Variants in SLC16A12 observed in about 807,000 individuals in gnomAD.
SLC16A12 encodes the protein monocarboxylate transporter 12.
Under a neutral mutation model 42.4 loss-of-function variants are expected in SLC16A12, and 17 were observed. The observed-to-expected ratio is 0.40, with a 90% CI of 0.27 to 0.60. The LOEUF is 0.60. Ranked by LOEUF, SLC16A12 falls within the 20% of genes least tolerant of loss-of-function variation. The probability of loss-of-function intolerance (pLI) is 0.42; values close to 1 mark genes in which losing one functional copy is unlikely to be tolerated. For missense variants in SLC16A12, 544 were observed against 623.0 expected (o/e 0.87, Z 1.35); for synonymous variants, 224 against 229.4 (o/e 0.98, Z 0.21).
chr10:89,457,272 AACTT>A (rs1842210167), intron 3 of SLC16A12, among the ~76,000 whole-genome samples: 1 of 152,202 alleles, frequency 6.6e-6, no homozygotes, highest in Non-Finnish European at 1.5e-5. Flanking sequence ...AACTTAAACA[AACTT>A]ACAAGAAAAA....
intron 2 of SLC16A12, among the ~76,000 whole-genome samples, chr10:89,524,207 C>T (rs1843410628): frequency 6.6e-6 from 1 of 152,208 alleles, no homozygotes; most frequent in South Asian, 2.1e-4. Flanking sequence ...ACCATTTTAA[C>T]AGACCCTCTG....
At chr10:89,529,755 C>T (rs1188913861) in intron 2 of SLC16A12, among the ~76,000 whole-genome samples, 1 of 152,030 alleles carries the variant, frequency 6.6e-6, no homozygotes, top group African/African-American at 2.4e-5. Flanking sequence ...GCCATGTTGG[C>T]CACGCTAGTC....
At chr10:89,479,619 A>T (rs778670210) in intron 2 of SLC16A12, among the ~76,000 whole-genome samples, 2 of 152,178 alleles carry the variant, frequency 1.3e-5, no homozygotes, top group Non-Finnish European at 2.9e-5. Flanking sequence ...AATGTTTTGT[A>T]TTGGTCCTTT....
chr10:89,471,934 T>C (rs192219783), intron 2 of SLC16A12, among the ~76,000 whole-genome samples: 2 of 152,302 alleles, frequency 1.3e-5, no homozygotes, highest in Non-Finnish European at 2.9e-5. Context: ...TTTTGTGAGG[T>C]GTCTATTCAA....
chr10:89,505,437 C>CA lies in SLC16A12; in HGVS notation c.-47+29063dup, dbSNP rs578133721. On this transcript the variant is annotated intron_variant, in intron 2 of 7. Transcript: ENST00000371790. ...GACTCCATCTCAAAAAACAAAAAAA[C>CA]AAAAAAAAACAAGAATTCCAGCAAG... Among the ~76,000 whole-genome samples, 894 of 149,958 alleles carry CA rather than the reference C, an allele frequency of 6.0e-3. 2 individuals carry two copies. The highest frequency in any genetic ancestry group is 0.01 in the Non-Finnish European group (680 of 67,296).
At chr10:89,550,513 C>T (rs993106853) in intron 2 of SLC16A12, among the ~76,000 whole-genome samples, 11 of 152,254 alleles carry the variant, frequency 7.2e-5, no homozygotes, top group Admixed American at 6.5e-5. Flanking sequence ...AGCAAGACTC[C>T]GTCTCAAAAC....
intron 2 of SLC16A12, among the ~76,000 whole-genome samples, chr10:89,530,689 G>A (rs185747157): frequency 2.6e-5 from 4 of 152,276 alleles, no homozygotes; most frequent in Non-Finnish European, 5.9e-5. Flanking sequence ...AAAGTGCTGG[G>A]ATTACAGGTG....
At chr10:89,451,712 T>A (rs1842099130) in intron 3 of SLC16A12, among the ~76,000 whole-genome samples, 2 of 152,178 alleles carry the variant, frequency 1.3e-5, no homozygotes. Context: ...TATGTTTGAA[T>A]TTCTGTTTCA....
chr10:89,475,172 C>A (rs768194579), intron 2 of SLC16A12, among the ~76,000 whole-genome samples: 13 of 152,192 alleles, frequency 8.5e-5, no homozygotes, highest in Non-Finnish European at 1.2e-4. Flanking sequence ...AACATCCTGG[C>A]CTATGGCTAG....
At chr10:89,481,471 T>C (rs909931151) in intron 2 of SLC16A12, among the ~76,000 whole-genome samples, 1 of 152,206 alleles carries the variant, frequency 6.6e-6, no homozygotes, top group Non-Finnish European at 1.5e-5. Context: ...ATCATTCCAC[T>C]AATACCTGAG....
chr10:89,550,506 A>C (rs1411177294), intron 2 of SLC16A12, among the ~76,000 whole-genome samples: 1 of 152,186 alleles, frequency 6.6e-6, no homozygotes. Flanking sequence ...GCTATACAGC[A>C]AGACTCCGTC....
At chr10:89,510,319 A>G (rs778575679) in intron 2 of SLC16A12, among the ~76,000 whole-genome samples, 1 of 152,188 alleles carries the variant, frequency 6.6e-6, no homozygotes, top group Non-Finnish European at 1.5e-5. Flanking sequence ...GCATCCTGCT[A>G]CCTGACTTCA....
At chr10:89,485,355 C>T (rs1272756626) in intron 2 of SLC16A12, among the ~76,000 whole-genome samples, 2 of 152,204 alleles carry the variant, frequency 1.3e-5, no homozygotes, top group African/African-American at 2.4e-5. Context: ...AACTATGTGG[C>T]TTCAACAAAA....
intron 2 of SLC16A12, among the ~76,000 whole-genome samples, chr10:89,553,381 T>C (rs1843783054): frequency 6.6e-6 from 1 of 152,236 alleles, no homozygotes; most frequent in Non-Finnish European, 1.5e-5. Context: ...CATTAGGTAC[T>C]ACACTCTTTG....
chr10:89,455,552 A>C (rs2133726720), intron 3 of SLC16A12, among the ~76,000 whole-genome samples: 1 of 152,338 alleles, frequency 6.6e-6, no homozygotes, highest in South Asian at 2.1e-4. Flanking sequence ...ATATTTTATC[A>C]CTTATCTGTT....
At chr10:89,472,467 T>C (rs187275525) in intron 2 of SLC16A12, among the ~76,000 whole-genome samples, 16 of 150,360 alleles carry the variant, frequency 1.1e-4, no homozygotes, top group Admixed American at 2.0e-4. Flanking sequence ...CTTTCTTTTT[T>C]CTTTTCTTTT....
At chr10:89,553,505 G>A (rs1285265658) in intron 2 of SLC16A12, among the ~76,000 whole-genome samples, 1 of 152,166 alleles carries the variant, frequency 6.6e-6, no homozygotes, top group Non-Finnish European at 1.5e-5. Context: ...ATAGTTCGCA[G>A]GCATTTTCTC....
At chr10:89,435,884 T>C (rs1054361992) in intron 7 of SLC16A12, among the ~76,000 whole-genome samples, 176 bp downstream of exon 7, 52 of 152,330 alleles carry the variant, frequency 3.4e-4, no homozygotes, top group African/African-American at 1.1e-3. Context: ...AAGAAGATTA[T>C]AAAACAAGGA....
chr10:89,465,647 T>A (rs1265860340), intron 2 of SLC16A12, among the ~76,000 whole-genome samples: 1 of 152,208 alleles, frequency 6.6e-6, no homozygotes, highest in East Asian at 1.9e-4. Flanking sequence ...CATACCTGTA[T>A]TTTTGCTTTC....
Sources: gnomAD v4.1 joint callset for allele counts (sites outside exome capture counted in the v4.1 genomes callset) on GRCh38, gnomAD v4.1.1 for gene constraint, MANE v1.5 for transcripts, NCBI Gene and HGNC (gene_info 2026-07-23, HGNC 2026-07-21) for gene names.